Variants in TNFRSF8 observed in about 807,000 individuals in gnomAD.
TNFRSF8 encodes the protein tumor necrosis factor receptor superfamily member 8.
In TNFRSF8, 26 loss-of-function variants were observed where a neutral mutation model predicts 70.8. The ratio of observed to expected loss-of-function variants is 0.37; its 90% CI spans 0.27 to 0.51. The LOEUF (loss-of-function observed/expected upper bound fraction) is 0.51. TNFRSF8 is among the 20% of genes least tolerant of loss of function. TNFRSF8 has a pLI of 0.94. For missense variants in TNFRSF8, 720 were observed against 807.9 expected, an observed-to-expected ratio of 0.89 and a Z score of 1.32; for synonymous variants, 356 against 339.2, an observed-to-expected ratio of 1.05 and a Z score of -0.54.
At chr1:12,084,138 A>G (rs1641111782) in intron 1 of TNFRSF8, among the ~76,000 whole-genome samples, 1 of 152,178 alleles carries the variant, frequency 6.6e-6, no homozygotes, top group Non-Finnish European at 1.5e-5. Context: ...ACAAGGTAGG[A>G]AGCAATTATG....
intron 1 of TNFRSF8, among the ~76,000 whole-genome samples, chr1:12,065,355 T>C (rs889951211): frequency 2.0e-5 from 3 of 152,142 alleles, no homozygotes; most frequent in Non-Finnish European, 2.9e-5. Flanking sequence ...AGTGCTAGGG[T>C]TACAGGCATG....
rs557097527 is a variant in TNFRSF8 at position 12,142,421 on chromosome 1, T to C, written c.1678T>C (p.Tyr560His). 1 of 1,612,704 alleles carries C rather than the reference T, an allele frequency of 6.2e-7. No individual in the cohort carries two copies. The highest frequency in any genetic ancestry group is 2.2e-5 in the East Asian group (1 of 44,856). ...EELEADHTPHYPEQETEPPLG... is the reference protein window; with the variant it reads ...EELEADHTPHHPEQETEPPLG... Reference sequence around the variant, plus strand: ...GCTGGAGGCGGACCATACCCCCCACTACCCCGAGCAGGAGACAGAACCGCC... The same window carrying C: ...GCTGGAGGCGGACCATACCCCCCACCACCCCGAGCAGGAGACAGAACCGCC... Residue 560 changes from tyrosine (Y) to histidine (H), a missense_variant, in exon 15 of 15, where the codon TAC becomes CAC. Physicochemically the swap from Tyr to His is moderately conservative, Grantham distance 83. Transcript: ENST00000263932. This position sits in a 1 kb window ranked among gnomAD's most constrained non-coding sequence, Gnocchi z 5.0.
In TNFRSF8 at chr1:12,138,270, A is replaced by C; in HGVS notation, c.1377A>C (p.Glu459Asp). The C allele has an allele frequency of 6.2e-7, 1 of 1,613,590 alleles. No individual in the cohort carries two copies. Among genetic ancestry groups the C allele is most frequent in the Non-Finnish European group, 8.5e-7 (1 of 1,179,920 alleles). The change falls in exon 14 of 15, where the codon GAA becomes GAC. Residue 459 changes from glutamate (E) to aspartate (D), a missense_variant. Coordinates refer to ENST00000263932, the MANE Select transcript of TNFRSF8 (RefSeq NM_001243.5). This position sits in a 1 kb window ranked among gnomAD's most constrained non-coding sequence, Gnocchi z 5.7. ...CGTCGGTGACAGAACCCGTCGCGGA[A>C]GAGCGAGGGTTAATGAGCCAGCCAC... is the stretch of plus-strand genomic sequence containing the variant. ...SGASVTEPVA[E>D]ERGLMSQPLM...
At chr1:12,071,625 G>A (rs901167021) in intron 1 of TNFRSF8, among the ~76,000 whole-genome samples, 6 of 150,650 alleles carry the variant, frequency 4.0e-5, no homozygotes, top group Admixed American at 6.6e-5. Context: ...TTTTGAGCTC[G>A]ATCTCTCGGC....
Position 12,088,960 on chromosome 1 carries a change from A to G in TNFRSF8, c.151+4409A>G, listed in dbSNP as rs1420513485. ...CCCCTGTGCCCTCTGACACTGTCCC[A>G]GCAGAGCCCCCTCACAGCACCTCCT... On this transcript the variant is annotated intron_variant, in intron 2 of 14. Transcript: ENST00000263932. This position sits in a 1 kb window ranked among gnomAD's most constrained non-coding sequence, Gnocchi z 4.0. Among the ~76,000 whole-genome samples the G allele has an allele frequency of 6.7e-6, 1 of 148,386 alleles. No homozygotes were observed. The highest frequency in any genetic ancestry group is 1.5e-5 in the Non-Finnish European group (1 of 67,314).
intron 2 of TNFRSF8, among the ~76,000 whole-genome samples, chr1:12,092,010 G>GT (rs1304626184): frequency 6.6e-6 from 1 of 152,164 alleles, no homozygotes; most frequent in Non-Finnish European, 1.5e-5. Flanking sequence ...CTCCTGCTGT[G>GT]TGGCCCCGTT....
intron 2 of TNFRSF8, among the ~76,000 whole-genome samples, chr1:12,092,051 C>T (rs1380493139): frequency 3.3e-5 from 5 of 152,288 alleles, no homozygotes; most frequent in African/African-American, 9.6e-5. Context: ...TACTGGTCCC[C>T]GGCTGGGGAC....
At chr1:12,101,029 C>T (rs1333404893) in intron 3 of TNFRSF8, among the ~76,000 whole-genome samples, 1 of 151,732 alleles carries the variant, frequency 6.6e-6, no homozygotes, top group African/African-American at 2.4e-5. Context: ...CATGGAGTAT[C>T]GTCTCCTATG....
At chr1:12,080,551 A>G (rs1347884991) in intron 1 of TNFRSF8, 1 of 412,126 alleles carries the variant, frequency 2.4e-6, no homozygotes, top group Non-Finnish European at 4.7e-6. Context: ...TGGGCTTTTA[A>G]TACCTATTTT....
rs146604913 is a variant in TNFRSF8, at chr1:12,111,519, A to C, written c.677-379A>C. On this transcript the variant is annotated intron_variant, in intron 6 of 14. Coordinates refer to ENST00000263932, the MANE Select transcript of TNFRSF8 (RefSeq NM_001243.5). ...TAAAAGAGGGAGGCAGGAGGCACCC[A>C]GCCCCTCCCTGCCCAATACCATTCT... is the stretch of plus-strand genomic sequence containing the variant. Among the ~76,000 whole-genome samples the C allele has an allele frequency of 4.1e-4, 62 of 152,202 alleles. No homozygotes were observed. The East Asian group carries it at 9.3e-3, about 23-fold the overall frequency.
In TNFRSF8 at chr1:12,108,002, C is replaced by T. The variant is rs975515243; in HGVS notation, c.422-1564C>T. On this transcript the variant is annotated intron_variant, in intron 4 of 14. Coordinates refer to ENST00000263932, the MANE Select transcript of TNFRSF8 (RefSeq NM_001243.5). This position sits in a 1 kb window ranked among gnomAD's most constrained non-coding sequence, Gnocchi z 4.0. ...CATCACTCCACCATGCCACAGAACACGAGAGGTCAGCATTGCTCGCGCTCA... is the reference window on the plus strand; with the variant it reads ...CATCACTCCACCATGCCACAGAACATGAGAGGTCAGCATTGCTCGCGCTCA... Among the ~76,000 whole-genome samples the T allele has an allele frequency of 4.6e-5, 7 of 152,038 alleles. No homozygotes were observed. Among genetic ancestry groups the T allele is most frequent in the African/African-American group, 1.2e-4 (5 of 41,492 alleles).
intron 3 of TNFRSF8, among the ~76,000 whole-genome samples, chr1:12,101,993 G>A (rs1391116747): frequency 6.6e-6 from 1 of 152,106 alleles, no homozygotes; most frequent in Non-Finnish European, 1.5e-5. Context: ...GATCTTGTGG[G>A]ACCATCATCA....
In TNFRSF8 at chr1:12,138,316, G is replaced by A. The variant is rs376583542; in HGVS notation, c.1423G>A (p.Val475Met). ...SQPLMETCHS[V>M]GAAYLESLPL... ...GCCACTGATGGAGACCTGCCACAGC[G>A]TGGGGGCAGCCTACCTGGAGAGCCT... The change falls in exon 14 of 15, where the codon GTG (valine) becomes ATG (methionine). Residue 475 changes from valine to methionine, a missense_variant. Val to Met is a conservative substitution (Grantham distance 21). Coordinates refer to ENST00000263932, the MANE Select transcript of TNFRSF8 (RefSeq NM_001243.5). This position sits in a 1 kb window ranked among gnomAD's most constrained non-coding sequence, Gnocchi z 5.7. The A allele has an allele frequency of 6.6e-5, 107 of 1,613,658 alleles. No homozygotes were observed. In the South Asian group the frequency reaches 8.5e-4, roughly 13 times the overall value.
Position 12,126,245 on chromosome 1 carries a change from C to T in TNFRSF8, c.1309+9C>T, listed in dbSNP as rs767212258. 8.7e-6 allele frequency: 14 copies of T among 1,613,986 alleles called. No individual in the cohort carries two copies. The Admixed American group carries it at 1.2e-4, about 13-fold the overall frequency. ...CAAGCTAGAGCTTGTGGGTGAGTGTCCAGCCGTCCAAAGGGGCTGCCCGAG... is the reference window on the plus strand; with the variant it reads ...CAAGCTAGAGCTTGTGGGTGAGTGTTCAGCCGTCCAAAGGGGCTGCCCGAG... On this transcript the variant is annotated intron_variant, in intron 12 of 14. Coordinates refer to ENST00000263932, the MANE Select transcript of TNFRSF8 (RefSeq NM_001243.5).
chr1:12,076,169 C>T (rs1437959470), intron 1 of TNFRSF8, among the ~76,000 whole-genome samples: 2 of 143,808 alleles, frequency 1.4e-5, no homozygotes, highest in Non-Finnish European at 3.0e-5. Context: ...GGCGTGATCT[C>T]GGCTCACCAC....
chr1:12,135,710 G>C, intron 13 of TNFRSF8, 97 bp downstream of exon 13: 8 of 1,526,818 alleles, frequency 5.2e-6, no homozygotes, highest in Non-Finnish European at 6.3e-6. Flanking sequence ...TGGGGGAAGG[G>C]AGAGGGAGGG....
chr1:12,097,152 A>G lies in TNFRSF8; in HGVS notation c.203A>G (p.Gln68Arg). ...CPQRPTDCRK[Q>R]CEPDYYLDEA... ...CAGAGGCCTACTGACTGCAGGAAGC[A>G]GTGTGAGCCTGACTACTACCTGGAT... The change falls in exon 3 of 15, where the codon CAG (glutamine) becomes CGG (arginine). Residue 68 changes from glutamine to arginine, a missense_variant. Transcript: ENST00000263932. The G allele has an allele frequency of 6.2e-7, 1 of 1,614,120 alleles. No individual in the cohort carries two copies. Among genetic ancestry groups the G allele is most frequent in the East Asian group, 2.2e-5 (1 of 44,876 alleles).
At position 12,119,294 on chromosome 1, in the gene TNFRSF8, C is replaced by G. The variant is rs1641788677; in HGVS notation, c.946+3565C>G. On this transcript the variant is annotated intron_variant, in intron 8 of 14. Transcript: ENST00000263932. The surrounding 1 kb of genome is among the most constrained non-coding windows in gnomAD (Gnocchi z 4.4). ...TGACTCCCTGATTCCCTCTGTGCAT[C>G]CCCCACCAGCCACAGGTCTTTGGCA... Among the ~76,000 whole-genome samples the G allele has an allele frequency of 1.3e-5, 2 of 152,190 alleles. No individual in the cohort carries two copies. Among genetic ancestry groups the G allele is most frequent in the South Asian group, 4.1e-4 (2 of 4,830 alleles).
Position 12,113,128 on chromosome 1 carries a change from G to A in TNFRSF8, c.793+1114G>A, listed in dbSNP as rs989595943. Among the ~76,000 whole-genome samples, 2 of 152,212 alleles carry A rather than the reference G, an allele frequency of 1.3e-5. No homozygotes were observed. Among genetic ancestry groups the A allele is most frequent in the African/African-American group, 4.8e-5 (2 of 41,448 alleles). On this transcript the variant is annotated intron_variant, in intron 7 of 14. Transcript: ENST00000263932. This position sits in a 1 kb window ranked among gnomAD's most constrained non-coding sequence, Gnocchi z 4.9. ...GGCACTGCGGGGACAGCTTGTCTCT[G>A]CTCCACAATGTCTGAGGTCTTAGCT...
Sources: gnomAD v4.1 joint callset for allele counts (sites outside exome capture counted in the v4.1 genomes callset) on GRCh38, gnomAD v4.1.1 for gene constraint, Gnocchi (gnomAD v3.1) non-coding constraint, MANE v1.5 for transcripts, NCBI Gene and HGNC (gene_info 2026-07-23, HGNC 2026-07-21) for gene names.